PTPRN: variants seen among roughly 807,000 people sequenced by gnomAD.
PTPRN encodes the protein receptor-type tyrosine-protein phosphatase-like N.
In PTPRN, 70 loss-of-function variants were observed where a neutral mutation model predicts 108.5. The ratio of observed to expected loss-of-function variants is 0.65; its 90% CI spans 0.53 to 0.79. The LOEUF is 0.79. Ranked by LOEUF, PTPRN falls within the 30% of genes least tolerant of loss-of-function variation. The pLI, the probability that PTPRN is intolerant of heterozygous loss-of-function variation, is 0.00. For missense variants in PTPRN, 1,136 were observed against 1,295.5 expected (o/e 0.88, Z 1.89); for synonymous variants, 496 against 524.6 (o/e 0.95, Z 0.75).
Position 219,309,245 on chromosome 2 carries a change from C to T in PTPRN, c.88G>A (p.Gly30Arg). 1.9e-6 allele frequency: 3 copies of T among 1,539,680 alleles called. No individual in the cohort carries two copies. The highest frequency in any genetic ancestry group is 2.4e-5 in the East Asian group (1 of 41,282). The change falls in exon 1 of 23, where the codon GGG becomes AGG. Residue 30 changes from glycine (G) to arginine (R), a missense_variant. Coordinates refer to ENST00000295718, the MANE Select transcript of PTPRN (RefSeq NM_002846.4). ...LCLLLLSSRP[G>R]GCSAVSAHGC... ...TGGGCACTAACGGCGCTGCAGCCCCCCGGGCGGCTGCTCAGCAGCAGGAGG... is the reference window on the plus strand; with the variant it reads ...TGGGCACTAACGGCGCTGCAGCCCCTCGGGCGGCTGCTCAGCAGCAGGAGG...
intron 3 of PTPRN, 139 bp downstream of exon 3, chr2:219,307,305 A>G (rs1952507325): frequency 1.4e-6 from 1 of 698,588 alleles, no homozygotes; most frequent in East Asian, 2.7e-5. Flanking sequence ...CTAGGGTTCC[A>G]CCTCTTACTC....
At position 219,300,045 on chromosome 2, in the gene PTPRN, G is replaced by A. The variant is rs1319162058; in HGVS notation, c.1376C>T (p.Ala459Val). 2 of 1,614,226 alleles carry A rather than the reference G, an allele frequency of 1.2e-6. No homozygotes were observed. Among genetic ancestry groups the A allele is most frequent in the Non-Finnish European group, 1.7e-6 (2 of 1,180,040 alleles). The change falls in exon 9 of 23, where the codon GCA (alanine) becomes GTA (valine). Residue 459 changes from alanine to valine, a missense_variant. Transcript: ENST00000295718. ...SPLGQSQPTV[A>V]GQPSARPAAE... ...TGCTGGGCGGGCTGAGGGCTGTCCT[G>A]CCACCGTGGGCTGGCTCTGGCCCAG...
rs534494241 is a variant in PTPRN, at chr2:219,296,927, C to T, written c.2236+58G>A. On this transcript the variant is annotated intron_variant, in intron 15 of 22. Coordinates refer to ENST00000295718, the MANE Select transcript of PTPRN (RefSeq NM_002846.4). This position sits in a 1 kb window ranked among gnomAD's most constrained non-coding sequence, Gnocchi z 6.0. The stretch of plus-strand genomic sequence containing the variant: ...GAAGCCCAACCCCTTACCCCAAGCC[C>T]TCCAGACCTCGCAGCAGAGAGAGGG... 9 of 1,612,552 alleles carry T rather than the reference C, an allele frequency of 5.6e-6. No individual in the cohort carries two copies. Among genetic ancestry groups the T allele is most frequent in the African/African-American group, 1.3e-5 (1 of 75,038 alleles).
intron 12 of PTPRN, 150 bp downstream of exon 12, chr2:219,298,897 G>A (rs1952269564): frequency 3.6e-6 from 3 of 831,694 alleles, no homozygotes; most frequent in Admixed American, 1.8e-5. Context: ...AGAGAACTGC[G>A]GGGAGGGGCT....
Position 219,297,381 on chromosome 2 carries a change from C to G in PTPRN, c.1940G>C (p.Gly647Ala), listed in dbSNP as rs371902141. Reference sequence around the variant, plus strand: ...GCTCACCCGTGAAGGCTCCGGTGGACCCTCTGCCCGGTTGAACAAGGACTT... The same window carrying G: ...GCTCACCCGTGAAGGCTCCGGTGGAGCCTCTGCCCGGTTGAACAAGGACTT... Reference protein sequence around the residue: ...ATKSLFNRAEGPPEPSRVSSV... With the variant: ...ATKSLFNRAEAPPEPSRVSSV... The change falls in exon 14 of 23, where the codon GGT becomes GCT. Residue 647 changes from glycine to alanine, a missense_variant. Physicochemically the swap from Gly to Ala is moderately conservative, Grantham distance 60 (BLOSUM62 0). Transcript: ENST00000295718. The surrounding 1 kb of genome is among the most constrained non-coding windows in gnomAD (Gnocchi z 6.0). The G allele has an allele frequency of 1.1e-5, 18 of 1,614,010 alleles. No homozygotes were observed. The African/African-American group carries it at 2.4e-4, about 22-fold the overall frequency.
intron 1 of PTPRN, chr2:219,308,787 C>T: frequency 1.6e-6 from 2 of 1,248,996 alleles, no homozygotes; most frequent in Non-Finnish European, 2.1e-6. Flanking sequence ...AGCTGGGACT[C>T]TATGTCTGCG....
At position 219,300,164 on chromosome 2, in the gene PTPRN, ACT is replaced by A. The variant is rs747740983; in HGVS notation, c.1255_1256del (p.Ser419Ter). 1.2e-6 allele frequency: 2 copies of A among 1,613,414 alleles called. No homozygotes were observed. Among genetic ancestry groups the A allele is most frequent in the Non-Finnish European group, 1.7e-6 (2 of 1,179,670 alleles). On this transcript the variant is annotated frameshift_variant, in exon 9 of 23. Coordinates refer to ENST00000295718, the MANE Select transcript of PTPRN (RefSeq NM_002846.4). LOFTEE classifies it high-confidence loss of function. ...PGHPTASPTS[S>X]EVQQVPSPVS... ...CAGGGCTTGGCACCTGCTGGACTTCACTGGAGGTAGGGCTGGCAGTGGGGTGT... is the reference window on the plus strand; with the variant it reads ...CAGGGCTTGGCACCTGCTGGACTTCAGGAGGTAGGGCTGGCAGTGGGGTGT...
At chr2:219,302,534 T>C (rs778995573) in intron 5 of PTPRN, 42 bp downstream of exon 5, 1 of 1,613,276 alleles carries the variant, frequency 6.2e-7, no homozygotes, top group Non-Finnish European at 8.5e-7. Context: ...AAGTCCGGGC[T>C]GAGGGACTGC....
intron 12 of PTPRN, 83 bp from the exon 13 acceptor site, chr2:219,298,186 C>T (rs1952250880): frequency 7.3e-7 from 1 of 1,367,272 alleles, no homozygotes; most frequent in Non-Finnish European, 1.0e-6. Flanking sequence ...CCATGCCACA[C>T]CCCCTGTTAG....
In PTPRN at chr2:219,299,291, G is replaced by A. The variant is rs1423385603; in HGVS notation, c.1603+14C>T. The A allele has an allele frequency of 6.2e-6, 10 of 1,613,296 alleles. No individual in the cohort carries two copies. The highest frequency in any genetic ancestry group is 1.6e-4 in the Middle Eastern group (1 of 6,082). ...TGGGGCCAAGCCTGGGATTGAGGTCGCAGAGATATTTACCTGCTTGTTGGG... is the reference window on the plus strand; with the variant it reads ...TGGGGCCAAGCCTGGGATTGAGGTCACAGAGATATTTACCTGCTTGTTGGG... On this transcript the variant is annotated intron_variant, in intron 11 of 22. Coordinates refer to ENST00000295718, the MANE Select transcript of PTPRN (RefSeq NM_002846.4).
At chr2:219,303,280 A>T (rs1053924486) in intron 4 of PTPRN, among the ~76,000 whole-genome samples, 1 of 152,184 alleles carries the variant, frequency 6.6e-6, no homozygotes, top group African/African-American at 2.4e-5. Context: ...TGCCATCTTC[A>T]TCCTGGTATC....
In PTPRN at chr2:219,297,273, G is replaced by A. The variant is rs1952224945; in HGVS notation, c.2048C>T (p.Ala683Val). The A allele has an allele frequency of 2.5e-6, 4 of 1,613,958 alleles. No individual in the cohort carries two copies. Among genetic ancestry groups the A allele is most frequent in the South Asian group, 2.2e-5 (2 of 91,080 alleles). The change falls in exon 14 of 23, where the codon GCC (alanine) becomes GTC (valine). Residue 683 changes from alanine (A) to valine (V), a missense_variant. By Grantham distance (64) the Ala-to-Val change is moderately conservative. Transcript: ENST00000295718. The surrounding 1 kb of genome is among the most constrained non-coding windows in gnomAD (Gnocchi z 6.0). ...CGTGGAGATGTCCATGTTGGCTTGGGCCGGCTCCTCGCACCAGGACGGGGT... is the reference window on the plus strand; with the variant it reads ...CGTGGAGATGTCCATGTTGGCTTGGACCGGCTCCTCGCACCAGGACGGGGT... ...SSTPSWCEEPAQANMDISTGH... is the reference protein window; with the variant it reads ...SSTPSWCEEPVQANMDISTGH...
intron 19 of PTPRN, chr2:219,291,751 C>T (rs900374958): frequency 3.4e-6 from 2 of 589,038 alleles, no homozygotes; most frequent in Admixed American, 3.0e-5. Context: ...AAGCTATGCA[C>T]CTGGAACAAC....
chr2:219,297,725 C>A lies in PTPRN; in HGVS notation c.1887+160G>T, dbSNP rs1339097682. ...AATTCCCATGCGTTCATAAAGGCCC[C>A]TACCATACTCCCTCCCACTGGGGCT... On this transcript the variant is annotated intron_variant, in intron 13 of 22. Transcript: ENST00000295718. This position sits in a 1 kb window ranked among gnomAD's most constrained non-coding sequence, Gnocchi z 6.0. 2.0e-5 allele frequency among the ~76,000 whole-genome samples: 3 copies of A among 152,196 alleles called. No homozygotes were observed. The highest frequency in any genetic ancestry group is 7.2e-5 in the African/African-American group (3 of 41,448).
chr2:219,300,237 C>G lies in PTPRN; in HGVS notation c.1184G>C (p.Gly395Ala). 1 of 1,580,876 alleles carries G rather than the reference C, an allele frequency of 6.3e-7. No homozygotes were observed. The highest frequency in any genetic ancestry group is 8.6e-7 in the Non-Finnish European group (1 of 1,161,808). The change falls in exon 9 of 23, where the codon GGC (glycine) becomes GCC (alanine). Residue 395 changes from glycine to alanine, a missense_variant. Coordinates refer to ENST00000295718, the MANE Select transcript of PTPRN (RefSeq NM_002846.4). ...IKKTMEGPVE[G>A]RDTAELPART... ...GGCTGGAAGCTCTGCTGTGTCTCTG[C>G]CCTCCACCGGCCCCTCCATTGTCTG...
chr2:219,300,422 C>A (rs972104390), intron 8 of PTPRN, 163 bp from the exon 9 acceptor site: 6 of 628,012 alleles, frequency 9.6e-6, no homozygotes, highest in Non-Finnish European at 1.5e-5. Context: ...GCATCTGAGA[C>A]AAGTAAGTGG....
chr2:219,304,286 T>C (rs1952429561), intron 3 of PTPRN: 1 of 153,830 alleles, frequency 6.5e-6, no homozygotes, highest in Non-Finnish European at 1.4e-5. Context: ...CTTTCTCTGT[T>C]TGTAAAGTGG....
chr2:219,290,344 G>T lies in PTPRN; in HGVS notation c.2869-47C>A. 2 of 1,543,524 alleles carry T rather than the reference G, an allele frequency of 1.3e-6. No homozygotes were observed. The highest frequency in any genetic ancestry group is 1.4e-5 in the African/African-American group (1 of 73,356). On this transcript the variant is annotated intron_variant, in intron 22 of 22. Coordinates refer to ENST00000295718, the MANE Select transcript of PTPRN (RefSeq NM_002846.4). This position sits in a 1 kb window ranked among gnomAD's most constrained non-coding sequence, Gnocchi z 4.2. ...ATGGTCATGGAGAGGGCTGACCTGT[G>T]CTCTGCCCTCAAGATGGGGGGCTTT...
In PTPRN at chr2:219,297,915, C is replaced by A; in HGVS notation, c.1857G>T (p.Gly619=). 1.2e-6 allele frequency: 2 copies of A among 1,611,962 alleles called. No homozygotes were observed. The highest frequency in any genetic ancestry group is 1.7e-6 in the Non-Finnish European group (2 of 1,179,680). ...KERLAALGPE[G]AHGDTTFEYQ... The stretch of plus-strand genomic sequence containing the variant: ...ACTCAAAGGTAGTGTCACCATGGGC[C>A]CCCTCAGGCCCCAGGGCTGCCAGGC... The change falls in exon 13 of 23, where the codon GGG becomes GGT. Residue 619 remains glycine, a synonymous_variant. Transcript: ENST00000295718. This position sits in a 1 kb window ranked among gnomAD's most constrained non-coding sequence, Gnocchi z 6.0.
Sources: gnomAD v4.1 joint callset for allele counts (sites outside exome capture counted in the v4.1 genomes callset) on GRCh38, gnomAD v4.1.1 for gene constraint, Gnocchi (gnomAD v3.1) non-coding constraint, MANE v1.5 for transcripts, NCBI Gene and HGNC (gene_info 2026-07-23, HGNC 2026-07-21) for gene names.